Variants in AGRN observed in about 807,000 individuals in gnomAD.
The protein encoded by AGRN is agrin proteoglycan.
A neutral mutation model predicts 211.0 loss-of-function variants in AGRN; 106 were observed. That is an observed-to-expected ratio of 0.50 (90% CI 0.43 to 0.59). The LOEUF is 0.59. Ranked by LOEUF, AGRN falls within the 20% of genes least tolerant of loss-of-function variation. The probability of loss-of-function intolerance (pLI) is 0.00; values close to 1 mark genes in which losing one functional copy is unlikely to be tolerated. For missense variants in AGRN, 3,040 were observed against 2,982.6 expected (o/e 1.02, Z -0.45); for synonymous variants, 1,525 against 1,332.5 (o/e 1.14, Z -3.15).
In AGRN at chr1:1,022,383, C is replaced by G. The variant is rs768527925; in HGVS notation, c.384C>G (p.His128Gln). 1.7e-4 allele frequency: 267 copies of G among 1,613,288 alleles called. 1 individual carries two copies. The Admixed American group carries it at 4.1e-3, about 25-fold the overall frequency. Residue 128 changes from histidine (H) to glutamine (Q), a missense_variant, in exon 2 of 36, where the codon CAC becomes CAG. Transcript: ENST00000379370. ...CACCCCCATACCTGTGGCCAGCCCA[C>G]AAGAACGAGCTGATGCTCAACTCCA... is the stretch of plus-strand genomic sequence containing the variant. ...NPAPPYLWPA[H>Q]KNELMLNSSL...
At chr1:1,046,363 A>G (rs747541248) in intron 17 of AGRN, 34 bp from the exon 18 acceptor site, 17 of 1,603,874 alleles carry the variant, frequency 1.1e-5, no homozygotes, top group Non-Finnish European at 1.3e-5. Context: ...CCCTGTCCCA[A>G]CCGGTCCCCC....
In AGRN at chr1:1,047,183, C is replaced by G. The variant is rs571965514; in HGVS notation, c.3389-144C>G. ...TCCTGGTAACCGACACCAGCCCCAC[C>G]CTGGGGTCCCCACTAACCTCATGAC... On this transcript the variant is annotated intron_variant, in intron 19 of 35. Transcript: ENST00000379370. 62 of 1,411,650 alleles carry G rather than the reference C, an allele frequency of 4.4e-5. No individual in the cohort carries two copies. In the South Asian group the frequency reaches 8.4e-4, roughly 19 times the overall value. 87.4% of individuals were successfully genotyped at this position (1,411,650 alleles called of 1,614,324 possible).
At chr1:1,037,501 T>C (rs1320848427) in intron 3 of AGRN, among the ~76,000 whole-genome samples, 1 of 151,740 alleles carries the variant, frequency 6.6e-6, no homozygotes, top group Non-Finnish European at 1.5e-5. Flanking sequence ...AGGAAGGGAG[T>C]TAAATATACC....
Position 1,042,021 on chromosome 1 carries a change from T to A in AGRN, c.1243T>A (p.Ser415Thr), listed in dbSNP as rs1344414139. Residue 415 changes from serine to threonine, a missense_variant, in exon 7 of 36, where the codon TCC becomes ACC. By Grantham distance (58) the Ser-to-Thr change is moderately conservative (BLOSUM62 1). This residue lies in a region of AGRN where 1,498 missense variants were observed against 1,457.8 expected (regional missense o/e 1.03). Coordinates refer to ENST00000379370, the MANE Select transcript of AGRN (RefSeq NM_198576.4). ...GTCCCGCCGTGGCCGTCCCCGCTGC[T>A]CCTGCGACCGCGTCACCTGTGACGG... is the stretch of plus-strand genomic sequence containing the variant. ...CLSRRGRPRC[S>T]CDRVTCDGAY... 1 of 1,610,698 alleles carries A rather than the reference T, an allele frequency of 6.2e-7. No individual in the cohort carries two copies. Among genetic ancestry groups the A allele is most frequent in the African/African-American group, 1.3e-5 (1 of 74,882 alleles).
At chr1:1,052,274 C>T (rs920500991) in intron 33 of AGRN, 4 of 357,912 alleles carry the variant, frequency 1.1e-5, no homozygotes, top group Middle Eastern at 1.0e-3. Context: ...GCATGCATGT[C>T]TGTGTCCGTG....
rs767596151 is a variant in AGRN at position 1,050,013 on chromosome 1, C to T, written c.4855C>T (p.Arg1619Cys). The T allele has an allele frequency of 8.7e-6, 12 of 1,383,310 alleles. No individual in the cohort carries two copies. The highest frequency in any genetic ancestry group is 8.3e-5 in the East Asian group (2 of 24,162). 85.7% of individuals were successfully genotyped at this position (1,383,310 alleles called of 1,614,324 possible). The change falls in exon 27 of 36, where the codon CGT becomes TGT. Residue 1619 changes from arginine to cysteine, a missense_variant. By Grantham distance (180) the Arg-to-Cys change is radical (BLOSUM62 -3). Around this residue, in one of 3 missense-constraint regions of AGRN, gnomAD observed 1,537 missense variants for 1,505.0 expected, o/e 1.02. Coordinates refer to ENST00000379370, the MANE Select transcript of AGRN (RefSeq NM_198576.4). ...TGCTCAGTGCGAGTGCCCCCTGGGG[C>T]GTGAGGGCACCTTCTGCCAGACAGG... ...GGAQCECPLG[R>C]EGTFCQTASG...
At chr1:1,053,116 A>T in intron 33 of AGRN, 1 of 255,332 alleles carries the variant, frequency 3.9e-6, no homozygotes, top group Non-Finnish European at 7.8e-6. Context: ...CCTGGTCTCC[A>T]CTCCATACCA....
In AGRN at chr1:1,044,035, G is replaced by A. The variant is rs1645022313; in HGVS notation, c.1999+12G>A. On this transcript the variant is annotated intron_variant, in intron 10 of 35. Coordinates refer to ENST00000379370, the MANE Select transcript of AGRN (RefSeq NM_198576.4). ...GCCGTGCGAGCAGGGTAGGCCGGGG[G>A]ACGCTGGCGAAAACTGCTGGGCTCT... The A allele has an allele frequency of 1.2e-6, 2 of 1,610,932 alleles. No homozygotes were observed. Among genetic ancestry groups the A allele is most frequent in the Non-Finnish European group, 1.7e-6 (2 of 1,179,680 alleles).
Position 1,046,846 on chromosome 1 carries a change from G to T in AGRN, c.3277G>T (p.Val1093Leu), listed in dbSNP as rs572261141. ...GGLEPLEGSS[V>L]ATPGPPVERA... ...GCTCGAGCCCTTGGAGGGCAGCAGC[G>T]TGGCCACCCCTGGGCCACCTGTCGA... The change falls in exon 19 of 36, where the codon GTG becomes TTG. Residue 1093 changes from valine to leucine, a missense_variant. Physicochemically the swap from Val to Leu is conservative, Grantham distance 32 (BLOSUM62 1). This residue lies in a region of AGRN where 1,537 missense variants were observed against 1,505.0 expected (regional missense o/e 1.02). Coordinates refer to ENST00000379370, the MANE Select transcript of AGRN (RefSeq NM_198576.4). 5 of 1,586,642 alleles carry T rather than the reference G, an allele frequency of 3.2e-6. No individual in the cohort carries two copies. The highest frequency in any genetic ancestry group is 4.3e-6 in the Non-Finnish European group (5 of 1,169,030).
rs190000918 is a variant in AGRN, at chr1:1,046,095, G to A, written c.2805+7G>A. ...AGAGGCCAACGCTACCAAGGTGAGG[G>A]GTGTGGGATGTGAAGGGGAGTGGGG... is the stretch of plus-strand genomic sequence containing the variant. On this transcript the variant is annotated splice_region_variant and intron_variant, in intron 16 of 35. Coordinates refer to ENST00000379370, the MANE Select transcript of AGRN (RefSeq NM_198576.4). 568 of 1,614,028 alleles carry A rather than the reference G, an allele frequency of 3.5e-4. 2 individuals carry two copies. The African/African-American group carries it at 6.4e-3, about 18-fold the overall frequency.
chr1:1,035,141 C>A, intron 2 of AGRN, 136 bp from the exon 3 acceptor site: 1 of 1,030,224 alleles, frequency 9.7e-7, no homozygotes, highest in Admixed American at 2.0e-5. Flanking sequence ...CTGGACCCTT[C>A]AGCAGCCTGG....
chr1:1,043,103 C>T, intron 7 of AGRN, 136 bp from the exon 8 acceptor site: 1 of 952,710 alleles, frequency 1.0e-6, no homozygotes, highest in Non-Finnish European at 1.6e-6. Context: ...GTCTGCTGTG[C>T]ATCTGGCCCT....
chr1:1,053,694 C>T (rs1018238323), intron 33 of AGRN, 59 bp from the exon 34 acceptor site: 2 of 1,502,816 alleles, frequency 1.3e-6, no homozygotes, highest in Admixed American at 3.9e-5. Context: ...CCTCCCGCCT[C>T]CCCCACCCTG....
chr1:1,035,540 C>T (rs1299339206), intron 3 of AGRN, among the ~76,000 whole-genome samples: 1 of 152,256 alleles, frequency 6.6e-6, no homozygotes, highest in Non-Finnish European at 1.5e-5. Context: ...GACCTCGGCT[C>T]TCACTTCTCT....
intron 3 of AGRN, among the ~76,000 whole-genome samples, chr1:1,038,874 A>C (rs1644861255): frequency 6.6e-6 from 1 of 152,142 alleles, no homozygotes; most frequent in African/African-American, 2.4e-5. Context: ...GGGGAACCAG[A>C]AGGGAAGTGA....
intron 7 of AGRN, 80 bp downstream of exon 7, chr1:1,042,242 A>G: frequency 6.8e-7 from 1 of 1,471,776 alleles, no homozygotes; most frequent in Non-Finnish European, 9.1e-7. Flanking sequence ...TGCCATCTTC[A>G]TCCATCATGT....
In AGRN at chr1:1,050,320, G is replaced by A. The variant is rs374905300; in HGVS notation, c.4967G>A (p.Arg1656Gln). The A allele has an allele frequency of 2.5e-4, 397 of 1,612,798 alleles. No individual in the cohort carries two copies. The highest frequency in any genetic ancestry group is 3.1e-4 in the Non-Finnish European group (360 of 1,179,932). Reference protein sequence around the residue: ...LELRGLHTFARDLGEKMALEV... With the variant: ...LELRGLHTFAQDLGEKMALEV... ...CTGAGAGGCCTGCACACCTTTGCAC[G>A]GGACCTGGGGTCGGTGGGGCAGGAG... Residue 1656 changes from arginine to glutamine, a missense_variant, in exon 28 of 36, where the codon CGG becomes CAG. Physicochemically the swap from Arg to Gln is conservative, Grantham distance 43 (BLOSUM62 1). This residue lies in a region of AGRN where 1,537 missense variants were observed against 1,505.0 expected (regional missense o/e 1.02). Transcript: ENST00000379370.
Position 1,053,880 on chromosome 1 carries a change from C to A in AGRN, c.5779C>A (p.His1927Asn). The change falls in exon 34 of 36, where the codon CAC becomes AAC. Residue 1927 changes from histidine (H) to asparagine (N), a missense_variant. Physicochemically the swap from His to Asn is moderately conservative, Grantham distance 68. Coordinates refer to ENST00000379370, the MANE Select transcript of AGRN (RefSeq NM_198576.4). The part of the protein sequence containing the change: ...DYVALAIVDG[H>N]LQLSYNLGSQ... ...TGTGGCACTGGCCATTGTGGACGGG[C>A]ACCTGCAACTGAGCTACAACCTGGG... is the stretch of plus-strand genomic sequence containing the variant. The A allele has an allele frequency of 6.2e-7, 1 of 1,609,392 alleles. No homozygotes were observed. Among genetic ancestry groups the A allele is most frequent in the Non-Finnish European group, 8.5e-7 (1 of 1,178,624 alleles).
At chr1:1,042,515 C>T (rs1244641700) in intron 7 of AGRN, among the ~76,000 whole-genome samples, 2 of 152,160 alleles carry the variant, frequency 1.3e-5, no homozygotes, top group East Asian at 3.9e-4. Flanking sequence ...ACATGGGCAG[C>T]CGTCGGCCGT....
Sources: allele counts gnomAD v4.1 joint callset (sites outside exome capture counted in the v4.1 genomes callset), GRCh38; gene constraint gnomAD v4.1.1; regional missense constraint gnomAD v4.1.1; transcripts MANE v1.5; gene names NCBI Gene and HGNC (gene_info 2026-07-23, HGNC 2026-07-21).